IPO4: variants seen among roughly 807,000 people sequenced by gnomAD.
IPO4 encodes importin-4.
Under a neutral mutation model 133.5 loss-of-function variants are expected in IPO4, and 91 were observed. The observed-to-expected ratio is 0.68, with a 90% CI of 0.58 to 0.81. IPO4 has a LOEUF of 0.81. Among genes scored for constraint, IPO4 ranks in the 30% least tolerant of loss-of-function variants. The pLI, the probability that IPO4 is intolerant of heterozygous loss-of-function variation, is 0.00. For synonymous variants in IPO4, 607 were observed against 581.6 expected (o/e 1.04, Z -0.63); for missense variants, 1,279 against 1,386.2 (o/e 0.92, Z 1.23).
Position 24,184,309 on chromosome 14 carries a change from C to T in IPO4, c.1746G>A (p.Leu582=), listed in dbSNP as rs2039186023. The change falls in exon 17 of 30, where the codon TTG becomes TTA. Residue 582 remains leucine (L), a synonymous_variant. Transcript: ENST00000354464. ...GAGGGGTCACTCACGTGCAGCGCCG[C>T]AAGTCAGGGTCGTCTACCTGGTCGC... ...GLCDQVDDPD[L]RRCTYSLFAA... The T allele has an allele frequency of 6.3e-7, 1 of 1,584,538 alleles. No homozygotes were observed. The highest frequency in any genetic ancestry group is 8.6e-7 in the Non-Finnish European group (1 of 1,165,446).
chr14:24,188,748 G>A lies in IPO4; in HGVS notation c.40C>T (p.Leu14=). 1.3e-6 allele frequency: 2 copies of A among 1,544,882 alleles called. No individual in the cohort carries two copies. Among genetic ancestry groups the A allele is most frequent in the Non-Finnish European group, 1.7e-6 (2 of 1,144,862 alleles). ...CGGATGCGCTCGGTGTCCGGTAGCA[G>A]CAGCTCCCGTAGGAGCTGCTCTAGC... The part of the protein sequence containing the change: ...AGLEQLLREL[L]LPDTERIRRA... The change falls in exon 1 of 30, where the codon CTG becomes TTG. Residue 14 remains leucine, a synonymous_variant. Transcript: ENST00000354464.
In IPO4 at chr14:24,187,597, A is replaced by T; in HGVS notation, c.409-18T>A. ...AGCCCCATCTGTCCAAGAATAGAGGATGGGAGAGCAAGCTTACAAGGTCTA... is the reference window on the plus strand; with the variant it reads ...AGCCCCATCTGTCCAAGAATAGAGGTTGGGAGAGCAAGCTTACAAGGTCTA... On this transcript the variant is annotated intron_variant, in intron 5 of 29. Coordinates refer to ENST00000354464, the MANE Select transcript of IPO4 (RefSeq NM_024658.4). The T allele has an allele frequency of 6.2e-7, 1 of 1,614,034 alleles. No individual in the cohort carries two copies. Among genetic ancestry groups the T allele is most frequent in the Non-Finnish European group, 8.5e-7 (1 of 1,179,926 alleles).
In IPO4 at chr14:24,186,525, T is replaced by C. The variant is rs17101801; in HGVS notation, c.841-74A>G. On this transcript the variant is annotated intron_variant, in intron 9 of 29. Coordinates refer to ENST00000354464, the MANE Select transcript of IPO4 (RefSeq NM_024658.4). ...GGGCTCACATTAAAAATTCCAGTCT[T>C]CCAGGCCATAAGGGGTCTGACAGAA... 12,070 of 1,501,538 alleles carry C rather than the reference T, an allele frequency of 8.0e-3. 843 individuals are homozygous for C. The African/African-American group carries it at 0.15, about 19-fold the overall frequency. The allele number at this position is 1,501,538 out of a possible 1,614,324, so 93.0% of individuals were successfully genotyped here.
Position 24,185,847 on chromosome 14 carries a change from A to G in IPO4, c.1169+14T>C, listed in dbSNP as rs772539973. ...CTGTGGGCAACCCTCACCCTGGGAC[A>G]GGGGAATACATACCTCTGCCTGATG... is the stretch of plus-strand genomic sequence containing the variant. On this transcript the variant is annotated intron_variant, in intron 12 of 29. Coordinates refer to ENST00000354464, the MANE Select transcript of IPO4 (RefSeq NM_024658.4). 1 of 1,600,732 alleles carries G rather than the reference A, an allele frequency of 6.2e-7. No homozygotes were observed. The highest frequency in any genetic ancestry group is 1.1e-5 in the South Asian group (1 of 90,856).
Position 24,183,359 on chromosome 14 carries a change from C to T in IPO4, c.2122-4G>A, listed in dbSNP as rs1315165458. On this transcript the variant is annotated splice_polypyrimidine_tract_variant and splice_region_variant and intron_variant, in intron 21 of 29. Coordinates refer to ENST00000354464, the MANE Select transcript of IPO4 (RefSeq NM_024658.4). Reference sequence around the variant, plus strand: ...TCCGCACATTCAGGTGAGGGCACTGCAGGATGAGGAGGGGCGGGATATGTC... The same window carrying T: ...TCCGCACATTCAGGTGAGGGCACTGTAGGATGAGGAGGGGCGGGATATGTC... 2 of 1,606,468 alleles carry T rather than the reference C, an allele frequency of 1.2e-6. No homozygotes were observed.
At chr14:24,186,848 T>A in intron 8 of IPO4, 30 bp downstream of exon 8, 3 of 1,610,108 alleles carry the variant, frequency 1.9e-6, no homozygotes, top group Non-Finnish European at 1.7e-6. Context: ...GCAGAGCATG[T>A]AGCAGGGGCC....
intron 23 of IPO4, 63 bp from the exon 24 acceptor site, chr14:24,182,905 G>GA: frequency 6.2e-7 from 1 of 1,612,466 alleles, no homozygotes; most frequent in South Asian, 1.1e-5. Context: ...GGGGGTAGGG[G>GA]GTGGACTTGT....
chr14:24,181,294 T>C (rs1262660642), intron 28 of IPO4, among the ~76,000 whole-genome samples: 1 of 152,166 alleles, frequency 6.6e-6, no homozygotes, highest in African/African-American at 2.4e-5. Flanking sequence ...AAATGCTACG[T>C]GGAGAAAGGA....
Position 24,185,175 on chromosome 14 carries a change from A to G in IPO4, c.1408+8T>C, listed in dbSNP as rs1359089783. 20 of 1,613,804 alleles carry G rather than the reference A, an allele frequency of 1.2e-5. No individual in the cohort carries two copies. Among genetic ancestry groups the G allele is most frequent in the Non-Finnish European group, 1.7e-5 (20 of 1,179,914 alleles). On this transcript the variant is annotated splice_region_variant and intron_variant, in intron 14 of 29. Coordinates refer to ENST00000354464, the MANE Select transcript of IPO4 (RefSeq NM_024658.4). ...CCCCTTCCCCAAGCTCCCCACTGCC[A>G]TCACTACCTAGGTTCTCCACAAAAT...
chr14:24,186,902 A>G lies in IPO4; in HGVS notation c.732T>C (p.Ser244=). The G allele has an allele frequency of 6.2e-7, 1 of 1,614,112 alleles. No individual in the cohort carries two copies. Among genetic ancestry groups the G allele is most frequent in the Non-Finnish European group, 8.5e-7 (1 of 1,179,970 alleles). The change falls in exon 8 of 30, where the codon TCT becomes TCC. Residue 244 remains serine (S), a synonymous_variant. Transcript: ENST00000354464. ...CCTCCAGGCAGAATGTGAGGACTTC[A>G]GAGAGGTAGGGGGTGATGACCGGCA... The part of the protein sequence containing the change: ...SEVPVITPYL[S]EVLTFCLEVA...
At chr14:24,181,153 G>T (rs2039130474) in intron 28 of IPO4, among the ~76,000 whole-genome samples, 1 of 152,188 alleles carries the variant, frequency 6.6e-6, no homozygotes, top group Non-Finnish European at 1.5e-5. Context: ...TGAAATGTAT[G>T]GTGTGGTGGC....
At chr14:24,182,928 A>T (rs759816419) in intron 23 of IPO4, 48 bp downstream of exon 23, 72 of 1,612,822 alleles carry the variant, frequency 4.5e-5, no homozygotes, top group Non-Finnish European at 6.0e-5. Flanking sequence ...CCAGTCCCCA[A>T]CCGAGGCCCA....
At position 24,182,797 on chromosome 14, in the gene IPO4, C is replaced by G. The variant is rs2039160816; in HGVS notation, c.2467G>C (p.Asp823His). The change falls in exon 24 of 30, where the codon GAT becomes CAT. Residue 823 changes from aspartate to histidine, a missense_variant. Around this residue, in one of 3 missense-constraint regions of IPO4, gnomAD observed 575 missense variants for 653.4 expected, o/e 0.88. Transcript: ENST00000354464. ...TTTTTATCCCTGGCTCTCACCTGAT[C>G]ATCATCTTCCTCTTCCTCCTCCTCG... The part of the protein sequence containing the change: ...TDEEEEEEDD[D>H]QAEYDAMLLE... The G allele has an allele frequency of 6.2e-7, 1 of 1,614,068 alleles. No individual in the cohort carries two copies. Among genetic ancestry groups the G allele is most frequent in the African/African-American group, 1.3e-5 (1 of 74,936 alleles).
rs770554503 is a variant in IPO4, at chr14:24,187,737, A to C, written c.338T>G (p.Leu113Trp). 6.2e-7 allele frequency: 1 copy of C among 1,614,224 alleles called. No homozygotes were observed. Among genetic ancestry groups the C allele is most frequent in the Non-Finnish European group, 8.5e-7 (1 of 1,180,028 alleles). The change falls in exon 5 of 30, where the codon TTG becomes TGG. Residue 113 changes from leucine to tryptophan, a missense_variant. Transcript: ENST00000354464. ...CTGCAAAAGCTGTGGCCAGGCCTCC[A>C]AGCCTTCCTTTCGAAAAATGGTGGC... ...LSATIFRKEG[L>W]EAWPQLLQLL... is the part of the protein sequence containing the mutation.
rs752052937 is a variant in IPO4 at position 24,185,861 on chromosome 14, C to T, written c.1169G>A (p.Arg390Lys). 15 of 1,612,384 alleles carry T rather than the reference C, an allele frequency of 9.3e-6. No homozygotes were observed. The highest frequency in any genetic ancestry group is 6.7e-5 in the East Asian group (3 of 44,900). ...SDGAGDHIRQRLLPPLLQIVC... is the reference protein window; with the variant it reads ...SDGAGDHIRQKLLPPLLQIVC... The stretch of plus-strand genomic sequence containing the variant: ...CACCCTGGGACAGGGGAATACATAC[C>T]TCTGCCTGATGTGGTCGCCAGCTCC... The change falls in exon 12 of 30, where the codon AGA becomes AAA. Residue 390 changes from arginine to lysine, a missense_variant and splice_region_variant. Arg to Lys is a conservative substitution (Grantham distance 26). Around this residue, in one of 3 missense-constraint regions of IPO4, gnomAD observed 695 missense variants for 704.1 expected, o/e 0.99. Transcript: ENST00000354464.
chr14:24,183,702 A>C (rs1374068579), intron 19 of IPO4, 35 bp from the exon 20 acceptor site: 3 of 1,613,988 alleles, frequency 1.9e-6, no homozygotes, highest in Non-Finnish European at 2.5e-6. Context: ...GTGATCAGGC[A>C]CCAAGAGGAG....
At chr14:24,183,734 G>T in intron 19 of IPO4, 49 bp downstream of exon 19, 1 of 1,614,176 alleles carries the variant, frequency 6.2e-7, no homozygotes, top group Non-Finnish European at 8.5e-7. Context: ...CTAGGCCCTT[G>T]TCTAAAGCCA....
Position 24,187,666 on chromosome 14 carries a change from C to G in IPO4, c.408+1G>C, listed in dbSNP as rs2039244649. The G allele has an allele frequency of 3.1e-6, 5 of 1,613,964 alleles. No homozygotes were observed. The highest frequency in any genetic ancestry group is 4.2e-6 in the Non-Finnish European group (5 of 1,179,848). On this transcript the variant is annotated splice_donor_variant, in intron 5 of 29. Transcript: ENST00000354464. LOFTEE classifies it high-confidence loss of function. ...CCCTCCTGCCAACCATGTGATGGTA[C>G]CTCTCTCTCTGGGCTGTGGGGGCTG...
chr14:24,187,164 C>T lies in IPO4; in HGVS notation c.589-14G>A, dbSNP rs770392410. On this transcript the variant is annotated splice_polypyrimidine_tract_variant and intron_variant, in intron 6 of 29. Coordinates refer to ENST00000354464, the MANE Select transcript of IPO4 (RefSeq NM_024658.4). ...CCGAGCGAGAGGCTGAGGGACACAT[C>T]ACAGAGAGCATGATGCAGCCCAATC... The T allele has an allele frequency of 6.2e-7, 1 of 1,612,800 alleles. No individual in the cohort carries two copies. The highest frequency in any genetic ancestry group is 1.1e-5 in the South Asian group (1 of 91,058).
Sources: allele counts gnomAD v4.1 joint callset (sites outside exome capture counted in the v4.1 genomes callset), GRCh38; gene constraint gnomAD v4.1.1; regional missense constraint gnomAD v4.1.1; transcripts MANE v1.5; gene names NCBI Gene and HGNC (gene_info 2026-07-23, HGNC 2026-07-21).